Variants in PRICKLE2 observed in about 807,000 individuals in gnomAD.
PRICKLE2 encodes the protein prickle planar cell polarity protein 2.
A neutral mutation model predicts 81.4 loss-of-function variants in PRICKLE2; 21 were observed. The ratio of observed to expected loss-of-function variants is 0.26; its 90% CI spans 0.18 to 0.37. The LOEUF is 0.37. Ranked by LOEUF, PRICKLE2 falls within the 10% of genes least tolerant of loss-of-function variation. PRICKLE2 has a pLI of 1.00. For missense variants in PRICKLE2, 940 were observed against 1,109.0 expected, an observed-to-expected ratio of 0.85 and a Z score of 2.16; for synonymous variants, 456 against 421.5, an observed-to-expected ratio of 1.08 and a Z score of -1.00.
At chr3:64,237,088 G>A (rs1323182377) in intron 2 of PRICKLE2, among the ~76,000 whole-genome samples, 2 of 152,146 alleles carry the variant, frequency 1.3e-5, no homozygotes, top group Non-Finnish European at 1.5e-5. Flanking sequence ...AGGCCAGGAT[G>A]AGCACTTATG....
At chr3:64,148,524 T>C (rs1465501999) in intron 6 of PRICKLE2, among the ~76,000 whole-genome samples, 1 of 152,130 alleles carries the variant, frequency 6.6e-6, no homozygotes, top group Non-Finnish European at 1.5e-5. Flanking sequence ...ATCCCATTAC[T>C]AGCATATGCT....
intron 2 of PRICKLE2, among the ~76,000 whole-genome samples, chr3:64,164,151 AG>A (rs957191535): frequency 1.3e-5 from 2 of 151,936 alleles, no homozygotes; most frequent in Admixed American, 1.3e-4. Flanking sequence ...GGCGGGCGGG[AG>A]AACCACCTGA....
chr3:64,199,074 T>G, intron 1 of PRICKLE2, 107 bp from the exon 2 acceptor site: 1 of 1,005,852 alleles, frequency 9.9e-7, no homozygotes, highest in South Asian at 1.4e-5. Flanking sequence ...ACACATTCCT[T>G]GGCAATGGGC....
chr3:64,243,590 A>C (rs765269485), intron 2 of PRICKLE2, among the ~76,000 whole-genome samples: 2 of 152,228 alleles, frequency 1.3e-5, no homozygotes, highest in African/African-American at 2.4e-5. Context: ...AGCTGTGTGA[A>C]TTATTCAACC....
chr3:64,112,579 TA>T (rs2106954594), intron 7 of PRICKLE2, among the ~76,000 whole-genome samples: 1 of 152,270 alleles, frequency 6.6e-6, no homozygotes, highest in African/African-American at 2.4e-5. Context: ...ATAACTGAAT[TA>T]ATCAATGAAT....
chr3:64,241,963 T>A (rs1487072132), intron 2 of PRICKLE2, among the ~76,000 whole-genome samples: 1 of 152,210 alleles, frequency 6.6e-6, no homozygotes, highest in Non-Finnish European at 1.5e-5. Context: ...CCTCTCATTC[T>A]CCACCTCATA....
At chr3:64,249,674 T>C (rs2079415699) in intron 2 of PRICKLE2, among the ~76,000 whole-genome samples, 1 of 152,234 alleles carries the variant, frequency 6.6e-6, no homozygotes, top group South Asian at 2.1e-4. Flanking sequence ...TCTGTTCTAT[T>C]CTACTTCCAG....
intron 2 of PRICKLE2, among the ~76,000 whole-genome samples, chr3:64,239,221 G>A (rs2079226165): frequency 6.6e-6 from 1 of 152,114 alleles, no homozygotes; most frequent in Admixed American, 6.5e-5. Context: ...TCCCTTAAAT[G>A]GAGCACACAG....
intron 1 of PRICKLE2, among the ~76,000 whole-genome samples, chr3:64,202,216 T>G (rs2078596200): frequency 6.6e-6 from 1 of 152,228 alleles, no homozygotes; most frequent in Non-Finnish European, 1.5e-5. Context: ...GTTTTGGCTC[T>G]TCTTCATCCC....
chr3:64,203,294 T>C (rs2078622703), intron 1 of PRICKLE2, among the ~76,000 whole-genome samples: 1 of 152,198 alleles, frequency 6.6e-6, no homozygotes, highest in Non-Finnish European at 1.5e-5. Flanking sequence ...CTTTAATTAA[T>C]CAGCTACTGC....
At chr3:64,161,013 G>A (rs1406285843) in intron 3 of PRICKLE2, among the ~76,000 whole-genome samples, 1 of 152,094 alleles carries the variant, frequency 6.6e-6, no homozygotes, top group East Asian at 1.9e-4. Flanking sequence ...TAAATAGACT[G>A]GGAACAGAAC....
rs1369826355 is a variant in PRICKLE2, at chr3:64,098,993, A to C, written c.*58T>G. 2.5e-6 allele frequency: 4 copies of C among 1,605,492 alleles called. No individual in the cohort carries two copies. The East Asian group carries it at 6.7e-5, about 27-fold the overall frequency. ...GCGCTTTAACATTTAAAACAGTGCA[A>C]GTTTCTGACTTTACATTCTTAGCTC... On this transcript the variant is annotated 3_prime_UTR_variant, in exon 8 of 8. Transcript: ENST00000638394.
At chr3:64,205,101 TAAAA>T (rs3056514) in intron 1 of PRICKLE2, among the ~76,000 whole-genome samples, 1 of 142,794 alleles carries the variant, frequency 7.0e-6, no homozygotes, top group South Asian at 2.2e-4. Context: ...AGGATTTCGT[TAAAA>T]AAAAAAAAAA....
At chr3:64,246,758 T>C (rs573587058) in intron 2 of PRICKLE2, among the ~76,000 whole-genome samples, 14 of 152,234 alleles carry the variant, frequency 9.2e-5, no homozygotes, top group Non-Finnish European at 1.8e-4. Context: ...AAGGCTAAGA[T>C]ATGTCTAAAG....
chr3:64,102,167 G>A (rs993075119), intron 7 of PRICKLE2: 1 of 152,198 alleles, frequency 6.6e-6, no homozygotes, highest in African/African-American at 2.4e-5. Flanking sequence ...AGGGTACGAG[G>A]GAAACATGGC....
intron 2 of PRICKLE2, among the ~76,000 whole-genome samples, chr3:64,239,430 G>C (rs1304671800): frequency 6.6e-6 from 1 of 152,172 alleles, no homozygotes; most frequent in Non-Finnish European, 1.5e-5. Context: ...TCAGCCAGTG[G>C]CCGGAGATAG....
chr3:64,158,443 CAT>C (rs539262030), intron 4 of PRICKLE2, among the ~76,000 whole-genome samples: 1,632 of 152,360 alleles, frequency 0.011, 21 homozygotes, highest in Admixed American at 0.016. Flanking sequence ...ATAACCCTCA[CAT>C]GAGTCATCAT....
intron 2 of PRICKLE2, among the ~76,000 whole-genome samples, chr3:64,191,621 C>A (rs1171513436): frequency 6.6e-6 from 1 of 152,180 alleles, no homozygotes; most frequent in Non-Finnish European, 1.5e-5. Context: ...TGAGACAATG[C>A]ATGCAAAGTG....
At chr3:64,118,942 T>G (rs371050216) in intron 7 of PRICKLE2, among the ~76,000 whole-genome samples, 1 of 152,174 alleles carries the variant, frequency 6.6e-6, no homozygotes, top group African/African-American at 2.4e-5. Context: ...TGAGCACTAT[T>G]CACACTAGCG....
Sources: gnomAD v4.1 joint callset for allele counts (sites outside exome capture counted in the v4.1 genomes callset) on GRCh38, gnomAD v4.1.1 for gene constraint, MANE v1.5 for transcripts, NCBI Gene and HGNC (gene_info 2026-07-23, HGNC 2026-07-21) for gene names.